Variants in TUSC3 observed in about 807,000 individuals in gnomAD.
TUSC3 encodes the protein tumor suppressor candidate 3.
Under a neutral mutation model 44.8 loss-of-function variants are expected in TUSC3, and 45 were observed. The observed-to-expected ratio is 1.00, with a 90% CI of 0.79 to 1.29. The LOEUF is 1.29. Ranked by LOEUF, TUSC3 falls within the 50% of genes most tolerant of loss-of-function variation. The probability of loss-of-function intolerance (pLI) is 0.00; values close to 1 mark genes in which losing one functional copy is unlikely to be tolerated. For missense variants in TUSC3, 519 were observed against 437.9 expected, an observed-to-expected ratio of 1.19 and a Z score of -1.65; for synonymous variants, 212 against 152.9, an observed-to-expected ratio of 1.39 and a Z score of -2.85.
intron 6 of TUSC3, among the ~76,000 whole-genome samples, chr8:15,706,866 G>T (rs926226212): frequency 5.3e-5 from 8 of 151,718 alleles, no homozygotes; most frequent in African/African-American, 1.9e-4. Flanking sequence ...TTACTATTTT[G>T]TCCTTTTAAA....
At chr8:15,588,786 C>T (rs1803702866) in intron 1 of TUSC3, among the ~76,000 whole-genome samples, 1 of 152,192 alleles carries the variant, frequency 6.6e-6, no homozygotes, top group South Asian at 2.1e-4. Context: ...AGTCAGTTTT[C>T]CCCGCACTAT....
chr8:15,807,306 T>C, the TUSC3 span: 1 of 485,564 alleles, frequency 2.1e-6, no homozygotes. Flanking sequence ...TGTAGGTCTC[T>C]ATTAAAAGTC....
chr8:15,800,178 G>A, the TUSC3 span, among the ~76,000 whole-genome samples: 7 of 152,146 alleles, frequency 4.6e-5, no homozygotes, highest in Non-Finnish European at 7.3e-5. Context: ...TCAGTGCCAC[G>A]CTCACAAAAC....
chr8:15,669,495 A>T (rs1175873229), intron 5 of TUSC3, among the ~76,000 whole-genome samples: 2 of 151,838 alleles, frequency 1.3e-5, no homozygotes, highest in African/African-American at 4.8e-5. Context: ...ATTCTAAACA[A>T]AAAAATTACA....
intron 2 of TUSC3, among the ~76,000 whole-genome samples, chr8:15,524,747 G>A (rs1052603509): frequency 6.6e-6 from 1 of 152,070 alleles, no homozygotes; most frequent in Admixed American, 6.5e-5. Context: ...TTTCACTGTC[G>A]TTCTCTCATG....
At chr8:15,602,433 T>C (rs1340077089) in intron 1 of TUSC3, among the ~76,000 whole-genome samples, 1 of 151,602 alleles carries the variant, frequency 6.6e-6, no homozygotes, top group Non-Finnish European at 1.5e-5. Context: ...TGGGTTGTAC[T>C]TTTTACATCT....
At chr8:15,663,630 A>C (rs1807525350) in intron 5 of TUSC3, among the ~76,000 whole-genome samples, 1 of 151,932 alleles carries the variant, frequency 6.6e-6, no homozygotes, top group Non-Finnish European at 1.5e-5. Flanking sequence ...TTGGCCTTTT[A>C]AGAGCAAGGA....
intron 1 of TUSC3, among the ~76,000 whole-genome samples, chr8:15,569,648 A>T (rs1298178599): frequency 6.6e-6 from 1 of 152,160 alleles, no homozygotes; most frequent in Non-Finnish European, 1.5e-5. Flanking sequence ...GTAAACTGGG[A>T]CTTTCCCTGG....
intron 2 of TUSC3, among the ~76,000 whole-genome samples, chr8:15,508,965 C>A (rs1015016093): frequency 2.6e-5 from 4 of 152,174 alleles, no homozygotes; most frequent in Non-Finnish European, 4.4e-5. Context: ...ATATAACTGT[C>A]TCAGGTTCCA....
the TUSC3 span, among the ~76,000 whole-genome samples, chr8:15,826,921 A>G: frequency 1.3e-5 from 2 of 152,160 alleles, no homozygotes; most frequent in African/African-American, 4.8e-5. Flanking sequence ...AAAATAGGGA[A>G]GCTCTCAATC....
At position 15,484,684 on chromosome 8, in the gene TUSC3, C is replaced by T. The variant is rs371209845; in HGVS notation, n.189+1201C>T. 1.2e-4 allele frequency among the ~76,000 whole-genome samples: 19 copies of T among 152,280 alleles called. No individual in the cohort carries two copies. In the East Asian group the frequency reaches 1.5e-3, roughly 12 times the overall value. The stretch of plus-strand genomic sequence containing the variant: ...TACACAGAAATCAGATTAACATAGG[C>T]AATTCTTGCTTTGCACAGTGGCGCA... On this transcript the variant is annotated intron_variant and non_coding_transcript_variant, in intron 2 of 5. Transcript: ENST00000503191.
chr8:15,785,335 C>G, the TUSC3 span, among the ~76,000 whole-genome samples: 1 of 152,082 alleles, frequency 6.6e-6, no homozygotes, highest in Admixed American at 6.6e-5. Flanking sequence ...CAATACATTG[C>G]TAAGTCAAGA....
At chr8:15,848,424 G>T in the TUSC3 span, among the ~76,000 whole-genome samples, 70,188 of 152,022 alleles carry the variant, frequency 0.46, 18,533 homozygotes, top group Non-Finnish European at 0.61. Flanking sequence ...TTAGACCAGG[G>T]TGTCCTGCTT....
intron 2 of TUSC3, among the ~76,000 whole-genome samples, chr8:15,523,639 C>CATATAT (rs151223991): frequency 0.01 from 647 of 63,314 alleles, 10 homozygotes; most frequent in African/African-American, 0.013. Context: ...CCTTTAAAAA[C>CATATAT]ATATATATAT....
At chr8:15,701,560 G>A (rs887762768) in intron 6 of TUSC3, among the ~76,000 whole-genome samples, 1 of 152,114 alleles carries the variant, frequency 6.6e-6, no homozygotes, top group Non-Finnish European at 1.5e-5. Flanking sequence ...TATAGAAGTA[G>A]ATGCATAGAG....
At chr8:15,581,771 G>C (rs1043433586) in intron 1 of TUSC3, among the ~76,000 whole-genome samples, 8 of 139,176 alleles carry the variant, frequency 5.7e-5, no homozygotes, top group African/African-American at 1.7e-4. Context: ...CTGTCTTTTT[G>C]TTTGTCTGTG....
chr8:15,628,388 A>G (rs986620404), intron 2 of TUSC3, among the ~76,000 whole-genome samples: 4 of 152,112 alleles, frequency 2.6e-5, no homozygotes, highest in African/African-American at 9.7e-5. Flanking sequence ...ACAGACCCTT[A>G]ATTTTTTAAT....
chr8:15,738,815 T>C (rs1446098313), intron 7 of TUSC3, among the ~76,000 whole-genome samples: 2 of 148,696 alleles, frequency 1.3e-5, no homozygotes, highest in Non-Finnish European at 3.0e-5. Context: ...AAATTACTAT[T>C]AATATATCTT....
At chr8:15,787,778 T>A in the TUSC3 span, among the ~76,000 whole-genome samples, 31 of 152,324 alleles carry the variant, frequency 2.0e-4, 1 homozygote, top group Admixed American at 9.8e-4. Context: ...CAATATAACC[T>A]GCTTCCCAGA....
Sources: allele counts gnomAD v4.1 joint callset (sites outside exome capture counted in the v4.1 genomes callset), GRCh38; gene constraint gnomAD v4.1.1; transcripts MANE v1.5; gene names NCBI Gene and HGNC (gene_info 2026-07-23, HGNC 2026-07-21).